The following SCN3A variants were observed in gnomAD, a reference collection of about 807,000 sequenced individuals.
SCN3A encodes sodium voltage-gated channel alpha subunit 3, also known as sodium channel protein type 3 subunit alpha.
In SCN3A, 60 loss-of-function variants were observed where a neutral mutation model predicts 187.6. That is an observed-to-expected ratio of 0.32 (90% confidence interval 0.26 to 0.40). The LOEUF (loss-of-function observed/expected upper bound fraction) is 0.40. Among genes scored for constraint, SCN3A ranks in the 10% least tolerant of loss-of-function variants. SCN3A has a pLI of 1.00. For synonymous variants in SCN3A, 788 were observed against 829.2 expected (o/e 0.95, Z 0.85); for missense variants, 1,601 against 2,428.2 (o/e 0.66, Z 7.16).
chr2:165,148,947 G>A (rs916055019), intron 11 of SCN3A, among the ~76,000 whole-genome samples: 3 of 151,884 alleles, frequency 2.0e-5, no homozygotes, highest in African/African-American at 4.8e-5. Context: ...ACAGAGTTCT[G>A]GATACATATG....
intron 16 of SCN3A, among the ~76,000 whole-genome samples, chr2:165,130,802 T>G (rs1206923612): frequency 1.3e-5 from 2 of 152,276 alleles, no homozygotes; most frequent in East Asian, 3.9e-4. Flanking sequence ...TAAAATTTTG[T>G]GATAATTCAA....
chr2:165,123,696 T>C (rs989697233), intron 18 of SCN3A, among the ~76,000 whole-genome samples: 14 of 152,140 alleles, frequency 9.2e-5, no homozygotes, highest in Non-Finnish European at 1.5e-4. Flanking sequence ...AATGTGTTCG[T>C]GTGTGTGATA....
chr2:165,108,673 C>A (rs764131903), intron 21 of SCN3A, among the ~76,000 whole-genome samples: 1 of 152,006 alleles, frequency 6.6e-6, no homozygotes, highest in Non-Finnish European at 1.5e-5. Flanking sequence ...GTTTTCAATA[C>A]GTTTTAAATA....
At chr2:165,200,567 C>T (rs1281713161) in intron 1 of SCN3A, among the ~76,000 whole-genome samples, 1 of 151,980 alleles carries the variant, frequency 6.6e-6, no homozygotes, top group Non-Finnish European at 1.5e-5. Flanking sequence ...TTCCAAGCAC[C>T]GCATTTGTCT....
chr2:165,191,559 C>T (rs576707460), intron 1 of SCN3A, among the ~76,000 whole-genome samples: 1 of 152,228 alleles, frequency 6.6e-6, no homozygotes, highest in East Asian at 1.9e-4. Context: ...TCCCTTATTC[C>T]AGTATGCTCT....
At chr2:165,187,631 T>A (rs1691325364) in intron 1 of SCN3A, among the ~76,000 whole-genome samples, 1 of 152,206 alleles carries the variant, frequency 6.6e-6, no homozygotes, top group Non-Finnish European at 1.5e-5. Flanking sequence ...AGCCATCATT[T>A]TTTTTCTCTA....
intron 25 of SCN3A, among the ~76,000 whole-genome samples, chr2:165,095,242 C>G (rs1685312197): frequency 6.6e-6 from 1 of 152,110 alleles, no homozygotes; most frequent in Admixed American, 6.6e-5. Context: ...CTGAAAGGCT[C>G]TGTAAGCCAA....
intron 15 of SCN3A, 38 bp downstream of exon 15, chr2:165,137,841 T>C (rs1157764162): frequency 2.7e-6 from 4 of 1,483,710 alleles, no homozygotes; most frequent in Non-Finnish European, 9.4e-7. Context: ...CTCTCCCACA[T>C]CTACCAAAGT....
intron 2 of SCN3A, among the ~76,000 whole-genome samples, chr2:165,185,049 T>A (rs1421729931): frequency 1.3e-5 from 2 of 151,500 alleles, no homozygotes; most frequent in Non-Finnish European, 2.9e-5. Context: ...CTGGACTCAA[T>A]GTCATGGCTC....
chr2:165,171,416 C>T (rs1489676151), intron 3 of SCN3A, among the ~76,000 whole-genome samples: 1 of 152,020 alleles, frequency 6.6e-6, no homozygotes, highest in African/African-American at 2.4e-5. Context: ...CAACACATTA[C>T]AATATAGTTC....
At position 165,090,692 on chromosome 2, in the gene SCN3A, C is replaced by G. The variant is rs201706536; in HGVS notation, c.5461G>C (p.Asp1821His). Residue 1821 changes from aspartate (D) to histidine (H), a missense_variant, in exon 28 of 28, where the codon GAT becomes CAT. Asp to His is a moderately conservative substitution (Grantham distance 81). Around this residue, in one of 11 missense-constraint regions of SCN3A, gnomAD observed 110 missense variants for 175.9 expected, o/e 0.63. Transcript: ENST00000283254. This position sits in a 1 kb window ranked among gnomAD's most constrained non-coding sequence, Gnocchi z 4.0. ...SKLSDFAAAL[D>H]PPLLIAKPNK... is the part of the protein sequence containing the mutation. ...GGTTTTGCTATGAGAAGAGGAGGAT[C>G]CAGGGCAGCTGCAAAATCAGAGAGT... 210 of 1,613,992 alleles carry G rather than the reference C, an allele frequency of 1.3e-4. No individual in the cohort carries two copies. Among genetic ancestry groups the G allele is most frequent in the Non-Finnish European group, 9.3e-6 (11 of 1,179,980 alleles).
intron 1 of SCN3A, among the ~76,000 whole-genome samples, chr2:165,188,937 T>C (rs1489764476): frequency 6.6e-6 from 1 of 151,588 alleles, no homozygotes; most frequent in Non-Finnish European, 1.5e-5. Context: ...TTTAATACAC[T>C]CCCTAAGTGA....
rs147831314 is a variant in SCN3A, at chr2:165,163,388, C to T, written c.694+230G>A. 7.3e-3 allele frequency among the ~76,000 whole-genome samples: 1,117 copies of T among 152,144 alleles called. 18 individuals carry two copies. The highest frequency in any genetic ancestry group is 0.026 in the African/African-American group (1,059 of 41,510). ...AGAGAGCGCAAGAGGCCCAAATTAGCATTTTTTGAAGATGTCTCATGCAAT... is the reference window on the plus strand; with the variant it reads ...AGAGAGCGCAAGAGGCCCAAATTAGTATTTTTTGAAGATGTCTCATGCAAT... On this transcript the variant is annotated intron_variant, in intron 7 of 27. Transcript: ENST00000283254.
At chr2:165,163,748 C>G in intron 6 of SCN3A, 39 bp from the exon 7 acceptor site, 2 of 1,613,694 alleles carry the variant, frequency 1.2e-6, no homozygotes, top group Non-Finnish European at 1.7e-6. Flanking sequence ...CAATAACACA[C>G]AAGAAAAGTT....
intron 21 of SCN3A, among the ~76,000 whole-genome samples, chr2:165,111,943 G>A (rs1251284488): frequency 6.6e-6 from 1 of 152,168 alleles, no homozygotes; most frequent in Admixed American, 6.5e-5. Flanking sequence ...ATGTGTTTGT[G>A]GGAGGAAGAA....
chr2:165,154,949 A>G (rs902574611), intron 10 of SCN3A, among the ~76,000 whole-genome samples: 8 of 152,210 alleles, frequency 5.3e-5, no homozygotes, highest in African/African-American at 1.7e-4. Context: ...CAGAGCAATA[A>G]TATGACAAGT....
chr2:165,196,472 A>G (rs935939753), intron 1 of SCN3A, among the ~76,000 whole-genome samples: 1 of 152,116 alleles, frequency 6.6e-6, no homozygotes, highest in African/African-American at 2.4e-5. Flanking sequence ...ATACTAAATG[A>G]TGATCCTCTA....
At chr2:165,162,446 T>G (rs1376253260) in intron 8 of SCN3A, 75 bp from the exon 9 acceptor site, 12 of 1,595,930 alleles carry the variant, frequency 7.5e-6, no homozygotes, top group Non-Finnish European at 1.0e-5. Flanking sequence ...AAATCAGAGT[T>G]GGACTATTTC....
At chr2:165,203,620 C>A (rs1430332233) in intron 1 of SCN3A, among the ~76,000 whole-genome samples, 1 of 151,954 alleles carries the variant, frequency 6.6e-6, no homozygotes, top group Non-Finnish European at 1.5e-5. Flanking sequence ...CCATAAATCA[C>A]CATTTCCAGA....
Sources: gnomAD v4.1 joint callset for allele counts (sites outside exome capture counted in the v4.1 genomes callset) on GRCh38, gnomAD v4.1.1 for gene constraint, gnomAD v4.1.1 regional missense constraint, Gnocchi (gnomAD v3.1) non-coding constraint, MANE v1.5 for transcripts, NCBI Gene and HGNC (gene_info 2026-07-23, HGNC 2026-07-21) for gene names.